LRRTM4: variants seen among roughly 807,000 people sequenced by gnomAD.
LRRTM4 encodes leucine-rich repeat transmembrane neuronal protein 4.
Under a neutral mutation model 47.6 loss-of-function variants are expected in LRRTM4, and 25 were observed. The observed-to-expected ratio is 0.53, with a 90% CI of 0.38 to 0.73. The LOEUF is 0.73. Among genes scored for constraint, LRRTM4 ranks in the 30% least tolerant of loss-of-function variants. The probability of loss-of-function intolerance (pLI) is 0.00; values close to 1 mark genes in which losing one functional copy is unlikely to be tolerated. For synonymous variants in LRRTM4, 311 were observed against 269.5 expected, an observed-to-expected ratio of 1.15 and a Z score of -1.51; for missense variants, 638 against 713.4, an observed-to-expected ratio of 0.89 and a Z score of 1.20.
intron 3 of LRRTM4, among the ~76,000 whole-genome samples, chr2:77,242,238 CATCTT>C (rs1297571285): frequency 6.6e-6 from 1 of 152,028 alleles, no homozygotes; most frequent in African/African-American, 2.4e-5. Flanking sequence ...TTAATGTTGA[CATCTT>C]AACAATATTA....
intron 3 of LRRTM4, among the ~76,000 whole-genome samples, chr2:77,068,346 T>C (rs1411421676): frequency 6.6e-6 from 1 of 152,188 alleles, no homozygotes; most frequent in Non-Finnish European, 1.5e-5. Context: ...TTGTAAAGCA[T>C]AAAACTAAGT....
chr2:77,482,255 G>C (rs1344117627), intron 3 of LRRTM4, among the ~76,000 whole-genome samples: 1 of 152,044 alleles, frequency 6.6e-6, no homozygotes, highest in Non-Finnish European at 1.5e-5. Context: ...AACTGTGAGA[G>C]AACAAGAAGA....
chr2:77,495,939 A>G (rs1304845633), intron 3 of LRRTM4, among the ~76,000 whole-genome samples: 1 of 151,958 alleles, frequency 6.6e-6, no homozygotes, highest in Non-Finnish European at 1.5e-5. Flanking sequence ...GACTTTGGTT[A>G]AGGTCATGTT....
chr2:76,983,892 A>T (rs1335896531), intron 3 of LRRTM4, among the ~76,000 whole-genome samples: 2 of 152,106 alleles, frequency 1.3e-5, no homozygotes, highest in African/African-American at 4.8e-5. Context: ...CTGGGCCACA[A>T]GAAAGTTGTG....
chr2:77,252,247 G>T (rs1279538909), intron 3 of LRRTM4, among the ~76,000 whole-genome samples: 3 of 152,096 alleles, frequency 2.0e-5, no homozygotes, highest in Non-Finnish European at 2.9e-5. Flanking sequence ...CTTGGGGAAG[G>T]TCATCAGATA....
rs188486895 is a variant in LRRTM4 at position 76,833,568 on chromosome 2, A to G, written c.1552-84652T>C. Among the ~76,000 whole-genome samples the G allele has an allele frequency of 2.2e-3, 279 of 129,286 alleles. 1 individual carries two copies. Among genetic ancestry groups the G allele is most frequent in the African/African-American group, 8.3e-3 (261 of 31,510 alleles). 84.8% of individuals were successfully genotyped at this position (129,286 alleles called of 152,430 possible). ...ACTGTGTATCAGAATATCCACTTAT[A>G]AATTTATATTCATAATATATTACCA... On this transcript the variant is annotated intron_variant, in intron 3 of 3. Transcript: ENST00000409884.
intron 3 of LRRTM4, among the ~76,000 whole-genome samples, chr2:76,793,921 G>A (rs1259288545): frequency 6.6e-6 from 1 of 152,106 alleles, no homozygotes; most frequent in African/African-American, 2.4e-5. Context: ...TTGCTTCTAT[G>A]GGACACAGAA....
chr2:77,451,113 C>T (rs886631197), intron 3 of LRRTM4, among the ~76,000 whole-genome samples: 8 of 152,154 alleles, frequency 5.3e-5, no homozygotes, highest in Admixed American at 2.0e-4. Context: ...CCAGTCAGGC[C>T]TAATTCATTG....
chr2:76,910,042 A>T (rs1028020721), intron 3 of LRRTM4, among the ~76,000 whole-genome samples: 2 of 152,110 alleles, frequency 1.3e-5, no homozygotes, highest in Non-Finnish European at 2.9e-5. Flanking sequence ...AAGACACATG[A>T]ACACGTATGT....
At chr2:77,206,815 C>G (rs1674140100) in intron 3 of LRRTM4, among the ~76,000 whole-genome samples, 1 of 152,084 alleles carries the variant, frequency 6.6e-6, no homozygotes, top group African/African-American at 2.4e-5. Context: ...TAATTGTTCT[C>G]TATTCTCCAA....
intron 3 of LRRTM4, chr2:77,009,815 T>C (rs1430041244): frequency 6.6e-6 from 1 of 152,054 alleles, no homozygotes; most frequent in Non-Finnish European, 1.5e-5. Context: ...TTCCATCTCT[T>C]AGTAATTTGA....
chr2:77,196,015 A>G (rs2103888977), intron 3 of LRRTM4, among the ~76,000 whole-genome samples: 1 of 152,296 alleles, frequency 6.6e-6, no homozygotes, highest in Admixed American at 6.5e-5. Context: ...CCTTCTCATT[A>G]TTGCCCTCCA....
At position 77,521,695 on chromosome 2, in the gene LRRTM4, C is replaced by T; in HGVS notation, c.-24G>A. On this transcript the variant is annotated 5_prime_UTR_variant, in exon 2 of 4. Coordinates refer to ENST00000409884, the MANE Select transcript of LRRTM4 (RefSeq NM_001134745.3). ...ATCCTTTGTCATCCAAAAACGTTTC[C>T]CCCCTCTCTCAGCTTTCTTCTTATT... 6.2e-7 allele frequency: 1 copy of T among 1,611,918 alleles called. No homozygotes were observed. Among genetic ancestry groups the T allele is most frequent in the East Asian group, 2.2e-5 (1 of 44,784 alleles).
intron 3 of LRRTM4, among the ~76,000 whole-genome samples, chr2:77,506,759 G>A (rs1376334158): frequency 6.6e-6 from 1 of 151,810 alleles, no homozygotes; most frequent in Admixed American, 6.6e-5. Context: ...ACATGATGAG[G>A]TAATTTAAGA....
chr2:77,047,425 G>T (rs1419360379), intron 3 of LRRTM4, among the ~76,000 whole-genome samples: 1 of 152,004 alleles, frequency 6.6e-6, no homozygotes, highest in African/African-American at 2.4e-5. Flanking sequence ...AAAACTCTGA[G>T]ATCTAGGTTT....
chr2:76,810,883 A>T (rs977744), intron 3 of LRRTM4, among the ~76,000 whole-genome samples: 1 of 151,908 alleles, frequency 6.6e-6, no homozygotes. Context: ...ATTACACACT[A>T]TCTTACCATT....
chr2:76,927,932 A>G (rs1674642240), intron 3 of LRRTM4, among the ~76,000 whole-genome samples: 2 of 152,248 alleles, frequency 1.3e-5, no homozygotes, highest in South Asian at 4.1e-4. Context: ...CATGTAACTT[A>G]TTACTTCAGA....
intron 3 of LRRTM4, among the ~76,000 whole-genome samples, chr2:77,409,536 C>A (rs949052428): frequency 6.6e-6 from 1 of 152,190 alleles, no homozygotes; most frequent in Non-Finnish European, 1.5e-5. Context: ...TGTTTTCAAA[C>A]TATAGCAGCC....
intron 3 of LRRTM4, among the ~76,000 whole-genome samples, chr2:76,898,218 G>C (rs1243771014): frequency 2.0e-5 from 3 of 152,016 alleles, no homozygotes; most frequent in South Asian, 2.1e-4. Context: ...TTAAATTCAT[G>C]AGAGTGCTTT....
Sources: allele counts gnomAD v4.1 joint callset (sites outside exome capture counted in the v4.1 genomes callset), GRCh38; gene constraint gnomAD v4.1.1; transcripts MANE v1.5; gene names NCBI Gene and HGNC (gene_info 2026-07-23, HGNC 2026-07-21).